Variants in TBXAS1 observed in about 807,000 individuals in gnomAD.
TBXAS1 encodes thromboxane A synthase 1, also known as thromboxane-A synthase.
TBXAS1 carries 48 observed loss-of-function variants against 60.7 expected under a neutral mutation model. That is an observed-to-expected ratio of 0.79 (90% CI 0.63 to 1.01). TBXAS1 has a LOEUF of 1.01. TBXAS1 is among the 50% of genes least tolerant of loss of function. The pLI, the probability that TBXAS1 is intolerant of heterozygous loss-of-function variation, is 0.00. For synonymous variants in TBXAS1, 287 were observed against 269.7 expected (o/e 1.06, Z -0.63); for missense variants, 685 against 686.3 (o/e 1.00, Z 0.02).
intron 4 of TBXAS1, among the ~76,000 whole-genome samples, chr7:139,791,004 A>AT (rs1797364525): frequency 6.6e-6 from 1 of 152,130 alleles, no homozygotes; most frequent in South Asian, 2.1e-4. Flanking sequence ...GAGTTTCACC[A>AT]TGTTGTCCAT....
At chr7:139,921,630 G>A (rs576153999) in intron 4 of TBXAS1, among the ~76,000 whole-genome samples, 48 of 152,350 alleles carry the variant, frequency 3.2e-4, no homozygotes, top group African/African-American at 7.9e-4. Flanking sequence ...TTGAGCCCAG[G>A]AATTTGAGGC....
chr7:139,865,398 A>G (rs920776176), intron 1 of TBXAS1, among the ~76,000 whole-genome samples: 1 of 152,198 alleles, frequency 6.6e-6, no homozygotes, highest in African/African-American at 2.4e-5. Context: ...AGCTAAGTCA[A>G]TGAAAACTAT....
At chr7:140,016,358 A>T in intron 11 of TBXAS1, 1 of 226,892 alleles carries the variant, frequency 4.4e-6, no homozygotes, top group Non-Finnish European at 8.7e-6. Context: ...ATAAAAATAA[A>T]TAAATAAATA....
chr7:139,991,301 A>G (rs934108694), intron 9 of TBXAS1, among the ~76,000 whole-genome samples: 28 of 151,948 alleles, frequency 1.8e-4, no homozygotes, highest in African/African-American at 6.8e-4. Context: ...TACCCCATGC[A>G]GGTCCGTGAC....
rs147284540 is a variant in TBXAS1, at chr7:139,856,570, G to T, written c.90-15665G>T. Among the ~76,000 whole-genome samples, 3 of 152,314 alleles carry T rather than the reference G, an allele frequency of 2.0e-5. No homozygotes were observed. In the East Asian group the frequency reaches 5.8e-4, roughly 29 times the overall value. The stretch of plus-strand genomic sequence containing the variant: ...GGAATGGGAATTTATGCAGAGCAGG[G>T]AGGCCAAATATACATATTCAATAAG... On this transcript the variant is annotated intron_variant, in intron 1 of 12. Transcript: ENST00000448866.
rs1351599709 is a variant in TBXAS1, at chr7:139,879,828, CATTTTGTGTGTGTGT to C, written c.236+4192_236+4206del. ...TTCAAAGCTCCTTTTCCCTTTATCT[CATTTTGTGTGTGTGT>C]GTGTGTGTGTGTGTGTGTGTGTGTG... On this transcript the variant is annotated intron_variant, in intron 3 of 12. Transcript: ENST00000448866. 2.5e-3 allele frequency among the ~76,000 whole-genome samples: 339 copies of C among 133,948 alleles called. 3 individuals are homozygous for C. Among genetic ancestry groups the C allele is most frequent in the African/African-American group, 9.0e-3 (305 of 33,984 alleles). 87.9% of individuals were successfully genotyped at this position (133,948 alleles called of 152,430 possible). A position where few individuals can be genotyped will look rare whatever the true frequency, so the allele number is the denominator to read the frequency against.
At chr7:139,890,910 CAT>C (rs958559846) in intron 3 of TBXAS1, among the ~76,000 whole-genome samples, 3 of 151,736 alleles carry the variant, frequency 2.0e-5, no homozygotes, top group African/African-American at 7.3e-5. Flanking sequence ...TTTTTTTTCA[CAT>C]GTTCTTGCAA....
intron 11 of TBXAS1, among the ~76,000 whole-genome samples, chr7:140,016,145 G>A (rs10272425): frequency 0.02 from 3,033 of 151,966 alleles, 115 homozygotes; most frequent in African/African-American, 0.069. Context: ...TGGCTAACAC[G>A]GTGAAACCCC....
chr7:139,787,124 C>G (rs1797224637), intron 3 of TBXAS1, among the ~76,000 whole-genome samples: 1 of 152,144 alleles, frequency 6.6e-6, no homozygotes, highest in Non-Finnish European at 1.5e-5. Context: ...AAAAATAATT[C>G]AACAGCTTCA....
chr7:139,784,675 A>G lies in TBXAS1; in HGVS notation c.-169+1946A>G, dbSNP rs149075401. Among the ~76,000 whole-genome samples, 267 of 152,314 alleles carry G rather than the reference A, an allele frequency of 1.8e-3. 1 individual carries two copies. Among genetic ancestry groups the G allele is most frequent in the Middle Eastern group, 3.4e-3 (1 of 294 alleles). On this transcript the variant is annotated intron_variant, in intron 3 of 16. Transcript: ENST00000336425. The stretch of plus-strand genomic sequence containing the variant: ...ACAGTGGTCAGGAATGACGCTGGAG[A>G]TTGTATGCCAAGCTGAAGAACTTAT...
intron 3 of TBXAS1, among the ~76,000 whole-genome samples, chr7:139,786,968 C>T (rs1357183906): frequency 3.3e-5 from 5 of 152,148 alleles, no homozygotes; most frequent in Non-Finnish European, 4.4e-5. Context: ...GACCTCCAGC[C>T]TTATTGAGAG....
intron 5 of TBXAS1, among the ~76,000 whole-genome samples, chr7:139,950,646 G>GATCTACAGGACTCCCTCACCCTCC (rs1809133952): frequency 3.3e-5 from 5 of 150,836 alleles, no homozygotes; most frequent in African/African-American, 7.3e-5. Flanking sequence ...TTGCAGCTTT[G>GATCTACAGGACTCCCTCACCCTCC]ATCTACAGGA....
At chr7:139,858,184 T>C (rs925892624) in intron 1 of TBXAS1, among the ~76,000 whole-genome samples, 2 of 152,204 alleles carry the variant, frequency 1.3e-5, no homozygotes, top group African/African-American at 4.8e-5. Context: ...AGGTGACCCA[T>C]CTGTTCCAAG....
chr7:140,008,078 A>T (rs139467684), intron 10 of TBXAS1, among the ~76,000 whole-genome samples: 301 of 152,342 alleles, frequency 2.0e-3, no homozygotes, highest in Middle Eastern at 6.8e-3. Flanking sequence ...AATTCCACTC[A>T]ACACTTTTAT....
chr7:140,006,761 A>C (rs1814107750), intron 9 of TBXAS1, among the ~76,000 whole-genome samples: 1 of 152,228 alleles, frequency 6.6e-6, no homozygotes, highest in African/African-American at 2.4e-5. Context: ...GGAGCATCAA[A>C]TGCGGTAACG....
intron 3 of TBXAS1, among the ~76,000 whole-genome samples, chr7:139,878,205 TAGAA>T (rs1569506263): frequency 5.7e-5 from 6 of 105,182 alleles, no homozygotes; most frequent in Non-Finnish European, 9.8e-5. Context: ...GAGAAAGAGA[TAGAA>T]AGAGATAGAG....
rs758221656 is a variant in TBXAS1 at position 139,955,474 on chromosome 7, C to T, written c.555C>T (p.Tyr185=). 8.1e-6 allele frequency: 13 copies of T among 1,614,226 alleles called. No individual in the cohort carries two copies. The East Asian group carries it at 2.5e-4, about 30-fold the overall frequency. The stretch of plus-strand genomic sequence containing the variant: ...TCTCCCGTAGGTGCTACTGCAATTA[C>T]ACCACAGATGTGGTTGCCAGCGTCG... The part of the protein sequence containing the change: ...AFDIQRCYCN[Y]TTDVVASVAF... Residue 185 remains tyrosine (Y), a synonymous_variant, in exon 7 of 13, where the codon TAC becomes TAT. Coordinates refer to ENST00000448866, the MANE Select transcript of TBXAS1 (RefSeq NM_001061.7).
chr7:139,892,008 G>A (rs1335422658), intron 3 of TBXAS1, among the ~76,000 whole-genome samples: 1 of 152,154 alleles, frequency 6.6e-6, no homozygotes, highest in African/African-American at 2.4e-5. Context: ...GAATTACACT[G>A]TGTAAGGCCA....
intron 9 of TBXAS1, among the ~76,000 whole-genome samples, chr7:139,986,738 TACATAC>T (rs756748341): frequency 0.016 from 874 of 56,060 alleles, 50 homozygotes; most frequent in African/African-American, 0.043. Context: ...TATATATATA[TACATAC>T]ATATATATAT....
Sources: gnomAD v4.1 joint callset for allele counts (sites outside exome capture counted in the v4.1 genomes callset) on GRCh38, gnomAD v4.1.1 for gene constraint, MANE v1.5 for transcripts, NCBI Gene and HGNC (gene_info 2026-07-23, HGNC 2026-07-21) for gene names.